The following CAMTA1 variants were observed in gnomAD, a reference collection of about 807,000 sequenced individuals.
CAMTA1 encodes calmodulin-binding transcription activator 1.
CAMTA1 carries 27 observed loss-of-function variants against 170.9 expected under a neutral mutation model. That is an observed-to-expected ratio of 0.16 (90% CI 0.12 to 0.22). The LOEUF is 0.22. Among genes scored for constraint, CAMTA1 ranks in the 10% least tolerant of loss-of-function variants. The pLI is 1.00. For synonymous variants in CAMTA1, 833 were observed against 891.5 expected, an observed-to-expected ratio of 0.93 and a Z score of 1.17; for missense variants, 1,619 against 2,217.2, an observed-to-expected ratio of 0.73 and a Z score of 5.42.
chr1:7,309,693 A>G (rs552044048), intron 5 of CAMTA1, among the ~76,000 whole-genome samples: 3 of 151,818 alleles, frequency 2.0e-5, no homozygotes, highest in African/African-American at 7.3e-5. Context: ...TATTTTACAT[A>G]TTGTGTTTTT....
chr1:6,924,957 G>A (rs1682799860), intron 3 of CAMTA1, among the ~76,000 whole-genome samples: 1 of 152,162 alleles, frequency 6.6e-6, no homozygotes, highest in South Asian at 2.1e-4. Context: ...GGATATGGTT[G>A]GGGGGGACTG....
chr1:7,234,840 G>A lies in CAMTA1; in HGVS notation c.303-14651G>A, dbSNP rs1017194856. On this transcript the variant is annotated intron_variant, in intron 4 of 22. Transcript: ENST00000303635. The surrounding 1 kb of genome is among the most constrained non-coding windows in gnomAD (Gnocchi z 5.0). ...CTCACTTTGTCACCCAGGCTGGAGT[G>A]CGGTGGTGTGATCATAGCTCACTGC... Among the ~76,000 whole-genome samples the A allele has an allele frequency of 2.0e-5, 3 of 148,448 alleles. No homozygotes were observed. The highest frequency in any genetic ancestry group is 7.5e-5 in the African/African-American group (3 of 39,818).
At chr1:7,057,823 C>T (rs1052981326) in intron 3 of CAMTA1, among the ~76,000 whole-genome samples, 7 of 152,238 alleles carry the variant, frequency 4.6e-5, no homozygotes, top group African/African-American at 1.4e-4. Flanking sequence ...TTTGGCCATA[C>T]AGCCTTCCCT....
intron 11 of CAMTA1, among the ~76,000 whole-genome samples, chr1:7,707,562 A>G (rs1336751645): frequency 6.6e-6 from 1 of 152,060 alleles, no homozygotes; most frequent in African/African-American, 2.4e-5. Flanking sequence ...TTTTTTGTAG[A>G]GATGAGGTTT....
intron 3 of CAMTA1, among the ~76,000 whole-genome samples, chr1:7,056,001 C>T (rs1340380348): frequency 1.6e-4 from 25 of 152,328 alleles, no homozygotes; most frequent in Non-Finnish European, 1.5e-5. Context: ...CCTGCCCCTT[C>T]CTCTGCACAA....
intron 5 of CAMTA1, among the ~76,000 whole-genome samples, chr1:7,328,344 C>A (rs1386416033): frequency 1.2e-5 from 1 of 83,678 alleles, no homozygotes; most frequent in Admixed American, 1.4e-4. Flanking sequence ...AAAAAAAATT[C>A]TTTTGCTCCT....
intron 3 of CAMTA1, among the ~76,000 whole-genome samples, chr1:6,844,026 C>G (rs1656951001): frequency 6.6e-6 from 1 of 152,128 alleles, no homozygotes; most frequent in Non-Finnish European, 1.5e-5. Context: ...CAGTTCTACT[C>G]CTTATGTATA....
rs1294233275 is a variant in CAMTA1 at position 7,456,195 on chromosome 1, T to A, written c.439-11635T>A. Among the ~76,000 whole-genome samples the A allele has an allele frequency of 1.2e-5, 1 of 83,658 alleles. No homozygotes were observed. The highest frequency in any genetic ancestry group is 3.7e-4 in the East Asian group (1 of 2,706). 54.9% of individuals were successfully genotyped at this position (83,658 alleles called of 152,430 possible). A position where few individuals can be genotyped will look rare whatever the true frequency, so the allele number is the denominator to read the frequency against. ...GGAGATGGAAGGGAGGGAGGAAAAATGGGAGGGAGGGAGGAAGAATGGGAG... is the reference window on the plus strand; with the variant it reads ...GGAGATGGAAGGGAGGGAGGAAAAAAGGGAGGGAGGGAGGAAGAATGGGAG... On this transcript the variant is annotated intron_variant, in intron 5 of 22. Coordinates refer to ENST00000303635, the MANE Select transcript of CAMTA1 (RefSeq NM_015215.4). This position sits in a 1 kb window ranked among gnomAD's most constrained non-coding sequence, Gnocchi z 4.9.
At chr1:6,864,497 A>G (rs1443218082) in intron 3 of CAMTA1, among the ~76,000 whole-genome samples, 3 of 152,154 alleles carry the variant, frequency 2.0e-5, no homozygotes, top group African/African-American at 7.2e-5. Flanking sequence ...CCCACCTTCT[A>G]GACACAGTCT....
chr1:7,018,150 A>ATTTTTTTTTTTTT, intron 3 of CAMTA1, among the ~76,000 whole-genome samples: 1 of 84,480 alleles, frequency 1.2e-5, no homozygotes, highest in East Asian at 3.7e-4. Flanking sequence ...TTTTTAACAG[A>ATTTTTTTTTTTTT]TGGTCTCAGG....
chr1:7,410,373 T>C (rs2149254853), intron 5 of CAMTA1, among the ~76,000 whole-genome samples: 1 of 152,328 alleles, frequency 6.6e-6, no homozygotes, highest in Admixed American at 6.5e-5. Context: ...CACCGTCACC[T>C]GGCTCGAGCC....
intron 3 of CAMTA1, among the ~76,000 whole-genome samples, chr1:6,873,405 G>T (rs1045820537): frequency 6.6e-6 from 1 of 152,086 alleles, no homozygotes; most frequent in Non-Finnish European, 1.5e-5. Flanking sequence ...TCAGTGGATG[G>T]TACATGGAAG....
At chr1:7,716,255 A>G (rs1157940085) in intron 11 of CAMTA1, among the ~76,000 whole-genome samples, 3 of 151,828 alleles carry the variant, frequency 2.0e-5, no homozygotes, top group Admixed American at 1.3e-4. Context: ...CTGGTCTCCA[A>G]CTCCTGAGTT....
intron 4 of CAMTA1, among the ~76,000 whole-genome samples, chr1:7,210,962 C>G (rs1026849895): frequency 3.9e-5 from 6 of 152,120 alleles, no homozygotes; most frequent in African/African-American, 1.4e-4. Flanking sequence ...TGACAAATCC[C>G]CATAATATTT....
At chr1:7,324,346 C>T (rs1678944999) in intron 5 of CAMTA1, among the ~76,000 whole-genome samples, 1 of 151,674 alleles carries the variant, frequency 6.6e-6, no homozygotes, top group Admixed American at 6.6e-5. Context: ...CATTTCATTT[C>T]CTTGTGTTTT....
intron 5 of CAMTA1, among the ~76,000 whole-genome samples, chr1:7,304,396 CAT>C (rs1164455739): frequency 1.3e-5 from 2 of 152,192 alleles, no homozygotes; most frequent in East Asian, 1.9e-4. Flanking sequence ...ATTTTATACA[CAT>C]ATGTCATTTT....
chr1:7,236,537 C>G (rs905304784), intron 4 of CAMTA1, among the ~76,000 whole-genome samples: 4 of 152,142 alleles, frequency 2.6e-5, no homozygotes, highest in Non-Finnish European at 5.9e-5. Flanking sequence ...TGGGGCAATT[C>G]CCTGGTTCTC....
intron 5 of CAMTA1, among the ~76,000 whole-genome samples, chr1:7,387,573 A>G (rs907044746): frequency 6.6e-6 from 1 of 152,170 alleles, no homozygotes; most frequent in African/African-American, 2.4e-5. Context: ...CACCCAGCCC[A>G]GGTGCCTCCT....
chr1:7,107,600 G>T (rs1299345197), intron 4 of CAMTA1, among the ~76,000 whole-genome samples: 1 of 152,174 alleles, frequency 6.6e-6, no homozygotes, highest in Non-Finnish European at 1.5e-5. Flanking sequence ...GAGAATCCCT[G>T]CAGGAGCCAC....
Sources: gnomAD v4.1 joint callset for allele counts (sites outside exome capture counted in the v4.1 genomes callset) on GRCh38, gnomAD v4.1.1 for gene constraint, Gnocchi (gnomAD v3.1) non-coding constraint, MANE v1.5 for transcripts, NCBI Gene and HGNC (gene_info 2026-07-23, HGNC 2026-07-21) for gene names.